The following POFUT3 variants were observed in gnomAD, a reference collection of about 807,000 sequenced individuals.
POFUT3 encodes the protein protein O-fucosyltransferase 3.
chr8:33,348,453 T>C, the POFUT3 span, among the ~76,000 whole-genome samples: 1 of 152,138 alleles, frequency 6.6e-6, no homozygotes, highest in African/African-American at 2.4e-5. Flanking sequence ...TTTTTCCTTG[T>C]AGGTGTGTGG....
the POFUT3 span, among the ~76,000 whole-genome samples, chr8:33,342,415 T>C: frequency 6.6e-6 from 1 of 150,814 alleles, no homozygotes. Context: ...GAAAAAATAT[T>C]GCAACAAAGG....
At chr8:33,372,595 G>GC in the POFUT3 span, 3 of 1,613,578 alleles carry the variant, frequency 1.9e-6, no homozygotes, top group East Asian at 2.2e-5. Flanking sequence ...TGAATACTAG[G>GC]CCCCAAAACT....
the POFUT3 span, among the ~76,000 whole-genome samples, chr8:33,465,716 T>G: frequency 2.0e-5 from 3 of 152,052 alleles, no homozygotes; most frequent in Non-Finnish European, 2.9e-5. Flanking sequence ...CCTCAAATGA[T>G]CCACCTGCCT....
At chr8:33,329,028 C>T in the POFUT3 span, among the ~76,000 whole-genome samples, 40,494 of 152,094 alleles carry the variant, frequency 0.27, 5,813 homozygotes, top group South Asian at 0.5. Flanking sequence ...GTGAATCTAT[C>T]GGACATCATG....
At chr8:33,426,621 T>G in the POFUT3 span, among the ~76,000 whole-genome samples, 1 of 152,192 alleles carries the variant, frequency 6.6e-6, no homozygotes, top group Non-Finnish European at 1.5e-5. Context: ...TTCAATCCGA[T>G]CTAAGGCAAA....
chr8:33,322,113 G>A, the POFUT3 span, among the ~76,000 whole-genome samples: 1 of 152,016 alleles, frequency 6.6e-6, no homozygotes, highest in Non-Finnish European at 1.5e-5. Context: ...GCTATCATTT[G>A]GTTTCAAGAG....
chr8:33,395,072 C>T, the POFUT3 span, among the ~76,000 whole-genome samples: 1 of 152,084 alleles, frequency 6.6e-6, no homozygotes, highest in Non-Finnish European at 1.5e-5. Flanking sequence ...AACTGGCTTG[C>T]AATTAGGTTT....
At chr8:33,357,722 T>C in the POFUT3 span, among the ~76,000 whole-genome samples, 1 of 152,180 alleles carries the variant, frequency 6.6e-6, no homozygotes, top group South Asian at 2.1e-4. Context: ...CAGAACTACA[T>C]AAAAAACTGT....
the POFUT3 span, chr8:33,389,586 A>G: frequency 6.2e-7 from 1 of 1,614,202 alleles, no homozygotes; most frequent in Non-Finnish European, 8.5e-7. Flanking sequence ...GGAACTAGGT[A>G]TCGGAGTGAC....
the POFUT3 span, among the ~76,000 whole-genome samples, chr8:33,352,251 G>GGT: frequency 5.0e-4 from 76 of 152,278 alleles, no homozygotes; most frequent in South Asian, 4.3e-3. Flanking sequence ...AGGAAGAAGA[G>GGT]GTGTTCCTGG....
the POFUT3 span, among the ~76,000 whole-genome samples, chr8:33,309,277 G>A: frequency 8.0e-4 from 109 of 136,890 alleles, 1 homozygote; most frequent in Middle Eastern, 4.9e-3. Context: ...ATATCAATTT[G>A]CTTATTATAT....
chr8:33,389,696 T>C, the POFUT3 span: 16 of 1,614,178 alleles, frequency 9.9e-6, no homozygotes, highest in East Asian at 2.9e-4. Flanking sequence ...CACTGGTTTA[T>C]GAAAGAGCTT....
the POFUT3 span, chr8:33,389,123 A>G: frequency 2.5e-6 from 4 of 1,614,170 alleles, no homozygotes; most frequent in Non-Finnish European, 3.4e-6. Flanking sequence ...CTTCCATTCT[A>G]CATAGGCCTC....
the POFUT3 span, among the ~76,000 whole-genome samples, chr8:33,470,166 G>A: frequency 6.8e-6 from 1 of 147,448 alleles, no homozygotes; most frequent in African/African-American, 2.5e-5. Flanking sequence ...TTGAGACGCC[G>A]AGGTGGGTGG....
chr8:33,372,692 A>G, the POFUT3 span: 2 of 1,614,106 alleles, frequency 1.2e-6, no homozygotes, highest in Non-Finnish European at 8.5e-7. Context: ...GGAAATCCAC[A>G]TCTCTCGCAA....
chr8:33,389,574 A>G, the POFUT3 span: 1 of 1,614,218 alleles, frequency 6.2e-7, no homozygotes, highest in South Asian at 1.1e-5. Flanking sequence ...TTGGACTGCA[A>G]AGGAACTAGG....
the POFUT3 span, among the ~76,000 whole-genome samples, chr8:33,369,669 G>T: frequency 6.6e-6 from 1 of 152,142 alleles, no homozygotes; most frequent in African/African-American, 2.4e-5. Context: ...CACTGTGCTT[G>T]AATTCATACA....
chr8:33,359,407 C>A, the POFUT3 span, among the ~76,000 whole-genome samples: 4 of 152,208 alleles, frequency 2.6e-5, 1 homozygote, highest in Admixed American at 2.6e-4. Context: ...TTTTCCATAA[C>A]TAAGATGTTT....
At chr8:33,365,891 C>T in the POFUT3 span, among the ~76,000 whole-genome samples, 2 of 152,168 alleles carry the variant, frequency 1.3e-5, no homozygotes, top group Non-Finnish European at 2.9e-5. Context: ...TTTGACCCAG[C>T]CATCCCATTA....
Sources: allele counts gnomAD v4.1 joint callset (sites outside exome capture counted in the v4.1 genomes callset), GRCh38; gene constraint gnomAD v4.1.1; transcripts MANE v1.5; gene names NCBI Gene and HGNC (gene_info 2026-07-23, HGNC 2026-07-21).